KCNJ18: variants seen among roughly 807,000 people sequenced by gnomAD.
KCNJ18 encodes potassium inwardly rectifying channel subfamily J member 18.
In KCNJ18, 16 loss-of-function variants were observed where a neutral mutation model predicts 17.3. The ratio of observed to expected loss-of-function variants is 0.92; its 90% confidence interval spans 0.62 to 1.40. The LOEUF is 1.40. Among genes scored for constraint, KCNJ18 ranks in the 40% most tolerant of loss-of-function variants. The probability of loss-of-function intolerance (pLI) is 0.00; values close to 1 mark genes in which losing one functional copy is unlikely to be tolerated. For missense variants in KCNJ18, 462 were observed against 626.8 expected (o/e 0.74, Z 2.81); for synonymous variants, 185 against 262.6 (o/e 0.70, Z 2.86).
intron 1 of KCNJ18, among the ~76,000 whole-genome samples, chr17:21,693,350 T>C (rs1905659944): frequency 6.6e-6 from 1 of 152,294 alleles, no homozygotes. Flanking sequence ...CCAGCTGGAT[T>C]TGTGGTCTGG....
chr17:21,699,628 A>T (rs1458653034), intron 2 of KCNJ18, among the ~76,000 whole-genome samples: 46 of 152,274 alleles, frequency 3.0e-4, no homozygotes, highest in Non-Finnish European at 5.7e-4. Flanking sequence ...TGGCTCTGAG[A>T]AATGAGGGAG....
At chr17:21,695,038 T>C (rs1207547901) in intron 1 of KCNJ18, among the ~76,000 whole-genome samples, 2 of 412 alleles carry the variant, frequency 4.9e-3, no homozygotes, top group Non-Finnish European at 8.8e-3. Context: ...CATCCACCCA[T>C]CCATCCATCC....
At position 21,702,902 on chromosome 17, in the gene KCNJ18, G is replaced by A. The variant is rs1371547709; in HGVS notation, c.116G>A (p.Arg39Gln). 661,441 of 1,539,812 alleles carry A rather than the reference G, an allele frequency of 0.43. 129,477 individuals carry two copies. Among genetic ancestry groups the A allele is most frequent in the East Asian group, 0.81 (34,040 of 41,882 alleles). The change falls in exon 3 of 3, where the codon CGG (arginine) becomes CAG (glutamine). Residue 39 changes from arginine to glutamine, a missense_variant. By Grantham distance (43) the Arg-to-Gln change is conservative. This residue lies in a region of KCNJ18 where 237 missense variants were observed against 259.4 expected (regional missense o/e 0.91). Coordinates refer to ENST00000567955, the MANE Select transcript of KCNJ18 (RefSeq NM_001194958.2). ...NGFGNGKVHT[R>Q]RRCRNRFVKK... ...TTCGGCAACGGCAAGGTGCACACGC[G>A]GCGCAGGTGCCGCAACCGCTTCGTC...
chr17:21,702,654 G>C (rs1335489844), intron 2 of KCNJ18, 77 bp from the exon 3 acceptor site: 3 of 999,916 alleles, frequency 3.0e-6, no homozygotes, highest in Non-Finnish European at 4.4e-6. Flanking sequence ...CTCCAGTCAC[G>C]TCTGGGGGCC....
rs1392451713 is a variant in KCNJ18 at position 21,704,539 on chromosome 17, C to G, written c.*451C>G. 1 of 151,018 alleles carries G rather than the reference C, an allele frequency of 6.6e-6. No individual in the cohort carries two copies. Among genetic ancestry groups the G allele is most frequent in the Non-Finnish European group, 1.5e-5 (1 of 66,430 alleles). The allele number at this position is 151,018 out of a possible 1,614,324, so 9.4% of individuals were successfully genotyped here. A position where few individuals can be genotyped will look rare whatever the true frequency, so the allele number is the denominator to read the frequency against. On this transcript the variant is annotated 3_prime_UTR_variant, in exon 3 of 3. Transcript: ENST00000567955. ...AGACTGTTTACAAAAAAAAAAAAAA[C>G]CATGCAATTGGAGAAAAAAATTTTA...
chr17:21,697,321 T>G (rs1185743618), intron 2 of KCNJ18, among the ~76,000 whole-genome samples: 5 of 152,306 alleles, frequency 3.3e-5, no homozygotes, highest in Admixed American at 2.6e-4. Flanking sequence ...GCATTTGGCA[T>G]AGGAAGCCAT....
In KCNJ18 at chr17:21,702,834, G is replaced by A. The variant is rs1358335422; in HGVS notation, c.48G>A (p.Glu16=). Residue 16 remains glutamate, a synonymous_variant, in exon 3 of 3, where the codon GAG becomes GAA. Transcript: ENST00000567955. ...ACCCCTACAGCATCGTGTCATTGGA[G>A]GAGGACGGGCTGCACCTGGTCACCA... ...RANPYSIVSL[E]EDGLHLVTMS... 3.1e-6 allele frequency: 5 copies of A among 1,598,520 alleles called. No homozygotes were observed. Among genetic ancestry groups the A allele is most frequent in the Non-Finnish European group, 4.2e-6 (5 of 1,178,092 alleles).
intron 2 of KCNJ18, among the ~76,000 whole-genome samples, chr17:21,701,910 T>TGA (rs1905966789): frequency 7.7e-6 from 1 of 129,136 alleles, no homozygotes. Context: ...AGATTCTGTC[T>TGA]AAAAAAGAAA....
intron 2 of KCNJ18, among the ~76,000 whole-genome samples, chr17:21,699,515 G>A (rs1408542465): frequency 3.7e-4 from 57 of 152,276 alleles, no homozygotes; most frequent in South Asian, 2.3e-3. Flanking sequence ...ATGCACACAC[G>A]GCAGAGCAGG....
chr17:21,698,164 C>T (rs1261385350), intron 2 of KCNJ18, among the ~76,000 whole-genome samples: 4 of 152,206 alleles, frequency 2.6e-5, no homozygotes, highest in East Asian at 1.9e-4. Flanking sequence ...TGCAGTGCCA[C>T]GCACACAGTC....
At chr17:21,694,681 C>T (rs1466254471) in intron 1 of KCNJ18, among the ~76,000 whole-genome samples, 1 of 151,148 alleles carries the variant, frequency 6.6e-6, no homozygotes, top group Admixed American at 6.6e-5. Context: ...CCCATCTGTC[C>T]ATCCATCCAC....
At chr17:21,694,375 G>A (rs1388542298) in intron 1 of KCNJ18, among the ~76,000 whole-genome samples, 1 of 151,762 alleles carries the variant, frequency 6.6e-6, no homozygotes, top group Admixed American at 6.6e-5. Context: ...CCTTTGACAG[G>A]TGGGGAAATT....
chr17:21,695,413 T>C (rs2142266954), intron 1 of KCNJ18, among the ~76,000 whole-genome samples: 1 of 152,138 alleles, frequency 6.6e-6, no homozygotes, highest in Admixed American at 6.5e-5. Flanking sequence ...CATTCATCCC[T>C]GCATTCATTT....
chr17:21,698,436 C>A (rs1420093167), intron 2 of KCNJ18, among the ~76,000 whole-genome samples: 1 of 152,002 alleles, frequency 6.6e-6, no homozygotes, highest in Non-Finnish European at 1.5e-5. Context: ...TCATGAGGCG[C>A]CCTAGCTAGC....
Position 21,703,103 on chromosome 17 carries a change from C to A in KCNJ18, c.317C>A (p.Ala106Glu), listed in dbSNP as rs1291699531. 1.2e-5 allele frequency: 20 copies of A among 1,612,030 alleles called. No individual in the cohort carries two copies. The Admixed American group carries it at 3.0e-4, about 24-fold the overall frequency. The change falls in exon 3 of 3, where the codon GCG (alanine) becomes GAG (glutamate). Residue 106 changes from alanine (A) to glutamate (E), a missense_variant. Physicochemically the swap from Ala to Glu is moderately radical, Grantham distance 107 (BLOSUM62 -1). Transcript: ENST00000567955. The stretch of plus-strand genomic sequence containing the variant: ...TTCGGCGTCATCTTCTGGGTCATCG[C>A]GGTGGCACACGGTGACCTGGAGCCG... ...LLFGVIFWVIAVAHGDLEPAE... is the reference protein window; with the variant it reads ...LLFGVIFWVIEVAHGDLEPAE...
chr17:21,695,801 A>T (rs1181218161), intron 1 of KCNJ18, among the ~76,000 whole-genome samples, 182 bp from the exon 2 acceptor site: 1 of 152,304 alleles, frequency 6.6e-6, no homozygotes, highest in Admixed American at 6.5e-5. Context: ...CTGGTTCTGG[A>T]TGGTTGCTAT....
rs1389679907 is a variant in KCNJ18, at chr17:21,703,917, T to G, written c.1131T>G (p.Tyr377Ter). 8.7e-6 allele frequency: 14 copies of G among 1,611,318 alleles called. No individual in the cohort carries two copies. Among genetic ancestry groups the G allele is most frequent in the Middle Eastern group, 1.7e-4 (1 of 5,954 alleles). ...FLLPSANSFC[Y>*]ENELAFLSRD... The stretch of plus-strand genomic sequence containing the variant: ...TGCCCAGTGCCAACTCCTTCTGCTA[T>G]GAGAACGAGCTGGCCTTCCTGAGCC... Residue 377 changes from tyrosine (Y) to a stop codon, truncating the protein, a stop_gained, in exon 3 of 3, where the codon TAT (tyrosine) becomes TAG (stop). Coordinates refer to ENST00000567955, the MANE Select transcript of KCNJ18 (RefSeq NM_001194958.2). LOFTEE classifies it low-confidence loss of function (END_TRUNC).
intron 1 of KCNJ18, among the ~76,000 whole-genome samples, chr17:21,694,363 T>A (rs1370216807): frequency 1.4e-5 from 2 of 147,130 alleles, no homozygotes; most frequent in East Asian, 2.0e-4. Flanking sequence ...GGCAGGGGGA[T>A]CCCTTTGACA....
intron 2 of KCNJ18, among the ~76,000 whole-genome samples, chr17:21,699,737 A>G (rs1369426882): frequency 6.6e-6 from 1 of 152,304 alleles, no homozygotes; most frequent in African/African-American, 2.4e-5. Flanking sequence ...GTATGACACC[A>G]TCTGGGCAGG....
Sources: allele counts gnomAD v4.1 joint callset (sites outside exome capture counted in the v4.1 genomes callset), GRCh38; gene constraint gnomAD v4.1.1; regional missense constraint gnomAD v4.1.1; transcripts MANE v1.5; gene names NCBI Gene and HGNC (gene_info 2026-07-23, HGNC 2026-07-21).